Variants in ROR2 observed in about 807,000 individuals in gnomAD.
The protein encoded by ROR2 is tyrosine-protein kinase transmembrane receptor ROR2.
ROR2 carries 33 observed loss-of-function variants against 74.9 expected under a neutral mutation model. That is an observed-to-expected ratio of 0.44 (90% CI 0.33 to 0.59). The LOEUF (loss-of-function observed/expected upper bound fraction) is 0.59, where lower values mean the gene tolerates loss of function less well. ROR2 is among the 20% of genes least tolerant of loss of function. The probability of loss-of-function intolerance (pLI) is 0.02; values close to 1 mark genes in which losing one functional copy is unlikely to be tolerated. For synonymous variants in ROR2, 586 were observed against 558.7 expected, an observed-to-expected ratio of 1.05 and a Z score of -0.69; for missense variants, 1,216 against 1,313.8, an observed-to-expected ratio of 0.93 and a Z score of 1.15.
At chr9:91,883,416 G>A (rs555326231) in intron 1 of ROR2, 1 of 152,258 alleles carries the variant, frequency 6.6e-6, no homozygotes, top group South Asian at 2.1e-4. Flanking sequence ...AATTATTAAG[G>A]TGATAGATGG....
intron 2 of ROR2, among the ~76,000 whole-genome samples, chr9:91,771,541 C>T (rs993272550): frequency 3.9e-5 from 6 of 152,208 alleles, no homozygotes; most frequent in Admixed American, 6.5e-5. Flanking sequence ...CATGTTAACC[C>T]GGTTATAACC....
intron 1 of ROR2, among the ~76,000 whole-genome samples, chr9:91,855,983 T>A (rs73651584): frequency 0.12 from 17,796 of 152,108 alleles, 2,275 homozygotes; most frequent in African/African-American, 0.32. Context: ...AGGTTACCCA[T>A]AAAATCTTGG....
At chr9:91,820,595 G>A (rs925503020) in intron 1 of ROR2, among the ~76,000 whole-genome samples, 13 of 151,886 alleles carry the variant, frequency 8.6e-5, no homozygotes, top group African/African-American at 2.4e-4. Flanking sequence ...ACCCACGTGC[G>A]CAATGCTGTT....
chr9:91,893,313 G>A (rs1186195610), intron 1 of ROR2, among the ~76,000 whole-genome samples: 5 of 152,078 alleles, frequency 3.3e-5, no homozygotes, highest in Admixed American at 6.5e-5. Flanking sequence ...GGTGGTACAC[G>A]CCTGTAGTCC....
At chr9:91,939,518 T>C (rs1237475904) in intron 1 of ROR2, among the ~76,000 whole-genome samples, 1 of 152,176 alleles carries the variant, frequency 6.6e-6, no homozygotes, top group African/African-American at 2.4e-5. Flanking sequence ...ACTGTACCTT[T>C]TGTCCCTCGT....
chr9:91,875,339 C>A (rs1279432018), intron 1 of ROR2, among the ~76,000 whole-genome samples: 3 of 152,158 alleles, frequency 2.0e-5, no homozygotes, highest in Non-Finnish European at 4.4e-5. Flanking sequence ...TTCTCTGATT[C>A]CACTCAACAA....
chr9:91,899,563 G>A (rs924310502), intron 1 of ROR2, among the ~76,000 whole-genome samples: 3 of 152,150 alleles, frequency 2.0e-5, no homozygotes, highest in Non-Finnish European at 4.4e-5. Flanking sequence ...GAGCTGAGCA[G>A]CAGGAGAGCT....
chr9:91,812,009 C>CT (rs1827766016), intron 1 of ROR2, among the ~76,000 whole-genome samples: 1 of 151,350 alleles, frequency 6.6e-6, no homozygotes, highest in African/African-American at 2.4e-5. Context: ...TTGTCTTGGG[C>CT]CACACATAAA....
At chr9:91,908,405 T>G (rs1489366029) in intron 1 of ROR2, among the ~76,000 whole-genome samples, 2 of 152,252 alleles carry the variant, frequency 1.3e-5, no homozygotes, top group African/African-American at 4.8e-5. Context: ...TTTTAATGAC[T>G]TTTTAACAAG....
At chr9:91,776,826 C>A (rs1455187736) in intron 1 of ROR2, among the ~76,000 whole-genome samples, 1 of 143,252 alleles carries the variant, frequency 7.0e-6, no homozygotes, top group African/African-American at 2.5e-5. Context: ...ATACACACAT[C>A]GAAAAGAGAC....
intron 4 of ROR2, among the ~76,000 whole-genome samples, chr9:91,747,644 C>T (rs1195966808): frequency 1.3e-5 from 2 of 152,094 alleles, no homozygotes; most frequent in African/African-American, 4.8e-5. Flanking sequence ...ATAAACTGGT[C>T]GAGTAAAAGA....
intron 1 of ROR2, among the ~76,000 whole-genome samples, chr9:91,839,586 G>A (rs1452695519): frequency 6.6e-6 from 1 of 151,714 alleles, no homozygotes; most frequent in Admixed American, 6.6e-5. Flanking sequence ...GTGTGTTTGT[G>A]TGTTTCTTTG....
At chr9:91,853,587 A>T (rs1463616036) in intron 1 of ROR2, among the ~76,000 whole-genome samples, 1 of 152,110 alleles carries the variant, frequency 6.6e-6, no homozygotes, top group African/African-American at 2.4e-5. Flanking sequence ...GAGGAGTAGT[A>T]TCCACCCCTA....
intron 1 of ROR2, among the ~76,000 whole-genome samples, chr9:91,810,228 C>T (rs1827702421): frequency 6.6e-6 from 1 of 152,182 alleles, no homozygotes; most frequent in Admixed American, 6.5e-5. Flanking sequence ...CAGGGCTTGG[C>T]ATCGGTACTG....
chr9:91,858,121 AAAGACCACGGTTCACCAGGCTGTG>A (rs1829354500), intron 1 of ROR2, among the ~76,000 whole-genome samples: 1 of 152,156 alleles, frequency 6.6e-6, no homozygotes, highest in Non-Finnish European at 1.5e-5. Flanking sequence ...CCTGGGGAAC[AAAGACCACGGTTCACCAGGCTGTG>A]CCCAAAGACA....
chr9:91,774,408 TG>T (rs1427889334), intron 2 of ROR2, among the ~76,000 whole-genome samples: 1 of 152,180 alleles, frequency 6.6e-6, no homozygotes, highest in Non-Finnish European at 1.5e-5. Flanking sequence ...TGAGCAGTGG[TG>T]CCCCCCAAAC....
At chr9:91,763,927 G>C (rs931008587) in intron 2 of ROR2, among the ~76,000 whole-genome samples, 4 of 152,190 alleles carry the variant, frequency 2.6e-5, no homozygotes, top group African/African-American at 9.7e-5. Flanking sequence ...CCTGAAGATG[G>C]TCCACATATG....
intron 1 of ROR2, among the ~76,000 whole-genome samples, chr9:91,936,325 G>A (rs1831689760): frequency 6.6e-6 from 1 of 152,156 alleles, no homozygotes; most frequent in Non-Finnish European, 1.5e-5. Flanking sequence ...GAGTTGGCAG[G>A]GTTGGCTCCT....
intron 1 of ROR2, among the ~76,000 whole-genome samples, chr9:91,927,694 G>A (rs766046820): frequency 6.6e-6 from 1 of 150,462 alleles, no homozygotes; most frequent in Non-Finnish European, 1.5e-5. Context: ...CTCCCAAGTA[G>A]CTAGGATTAC....
Sources: allele counts gnomAD v4.1 joint callset (sites outside exome capture counted in the v4.1 genomes callset), GRCh38; gene constraint gnomAD v4.1.1; transcripts MANE v1.5; gene names NCBI Gene and HGNC (gene_info 2026-07-23, HGNC 2026-07-21).